OLFML2B: variants seen among roughly 807,000 people sequenced by gnomAD.
OLFML2B encodes the protein olfactomedin like 2B, also known as olfactomedin-like protein 2B.
OLFML2B carries 57 observed loss-of-function variants against 74.9 expected under a neutral mutation model. The ratio of observed to expected loss-of-function variants is 0.76; its 90% CI spans 0.61 to 0.95. OLFML2B has a LOEUF of 0.95. OLFML2B is among the 40% of genes least tolerant of loss of function. The pLI, the probability that OLFML2B is intolerant of heterozygous loss-of-function variation, is 0.00. For missense variants in OLFML2B, 986 were observed against 970.6 expected, an observed-to-expected ratio of 1.02 and a Z score of -0.21; for synonymous variants, 388 against 405.8, an observed-to-expected ratio of 0.96 and a Z score of 0.53.
At chr1:161,998,557 T>G (rs1689993265) in intron 5 of OLFML2B, among the ~76,000 whole-genome samples, 1 of 152,130 alleles carries the variant, frequency 6.6e-6, no homozygotes, top group African/African-American at 2.4e-5. Context: ...TTTCTCTGAA[T>G]AGACTGCAGC....
At chr1:161,995,642 A>G (rs866893424) in intron 6 of OLFML2B, among the ~76,000 whole-genome samples, 52 of 152,056 alleles carry the variant, frequency 3.4e-4, no homozygotes, top group South Asian at 1.0e-3. Context: ...AGAGTGAACA[A>G]CTCACTCCTG....
chr1:162,023,153 A>G (rs936899641), intron 1 of OLFML2B, 104 bp downstream of exon 1: 3 of 1,125,514 alleles, frequency 2.7e-6, no homozygotes, highest in Non-Finnish European at 3.6e-6. Context: ...TCCATTGGTA[A>G]TGGAAGGAAA....
At position 162,017,521 on chromosome 1, in the gene OLFML2B, C is replaced by T. The variant is rs373782333; in HGVS notation, c.439-14G>A. The T allele has an allele frequency of 2.5e-6, 4 of 1,599,672 alleles. No homozygotes were observed. In the African/African-American group the frequency reaches 5.4e-5, roughly 22 times the overall value. ...GATTGTGGAGAGCTATGAAACAAGG[C>T]AAGGGGTTAGTCCAGGGCTGGGGCA... On this transcript the variant is annotated splice_polypyrimidine_tract_variant and intron_variant, in intron 2 of 7. Coordinates refer to ENST00000294794, the MANE Select transcript of OLFML2B (RefSeq NM_015441.3).
chr1:162,003,511 C>A (rs543004096), intron 4 of OLFML2B, among the ~76,000 whole-genome samples: 5 of 152,204 alleles, frequency 3.3e-5, no homozygotes, highest in African/African-American at 1.2e-4. Context: ...ATAATTTCCA[C>A]GGATCCACTG....
chr1:162,022,701 C>T (rs908279238), intron 1 of OLFML2B, among the ~76,000 whole-genome samples: 11 of 152,154 alleles, frequency 7.2e-5, no homozygotes, highest in African/African-American at 2.7e-4. Flanking sequence ...TGACAGTCTG[C>T]CCTAGCTGCC....
At chr1:162,012,514 C>A (rs1422212889) in intron 3 of OLFML2B, among the ~76,000 whole-genome samples, 1 of 152,210 alleles carries the variant, frequency 6.6e-6, no homozygotes, top group South Asian at 2.1e-4. Flanking sequence ...GGACTTAAAT[C>A]TTCCTCGGAG....
Position 162,020,621 on chromosome 1 carries a change from G to T in OLFML2B, c.175-439C>A, listed in dbSNP as rs562695963. Among the ~76,000 whole-genome samples, 8 of 151,712 alleles carry T rather than the reference G, an allele frequency of 5.3e-5. No individual in the cohort carries two copies. The East Asian group carries it at 1.4e-3, about 26-fold the overall frequency. On this transcript the variant is annotated intron_variant, in intron 1 of 7. Coordinates refer to ENST00000294794, the MANE Select transcript of OLFML2B (RefSeq NM_015441.3). ...AGCTCACTGCAACCTCCACCTCCCA[G>T]GTTCAAGTGATTCTCCTGCCTCAGC...
intron 3 of OLFML2B, among the ~76,000 whole-genome samples, chr1:162,012,740 G>T (rs1690427256): frequency 6.6e-6 from 1 of 152,072 alleles, no homozygotes; most frequent in African/African-American, 2.4e-5. Flanking sequence ...CATATACAAA[G>T]GCACATGTGT....
intron 3 of OLFML2B, among the ~76,000 whole-genome samples, chr1:162,008,705 AC>A (rs1690298011): frequency 6.6e-6 from 1 of 152,208 alleles, no homozygotes; most frequent in African/African-American, 2.4e-5. Context: ...GCCCACTCAG[AC>A]CTGCTGAATC....
intron 4 of OLFML2B, among the ~76,000 whole-genome samples, chr1:162,002,379 A>T (rs1018854393): frequency 4.1e-4 from 63 of 152,156 alleles, no homozygotes; most frequent in African/African-American, 1.4e-3. Flanking sequence ...GGTGGAAGCC[A>T]CCCAGAGAGC....
At chr1:162,008,429 T>C (rs1690291938) in intron 3 of OLFML2B, among the ~76,000 whole-genome samples, 4 of 152,200 alleles carry the variant, frequency 2.6e-5, no homozygotes, top group Admixed American at 2.6e-4. Flanking sequence ...CCCAGCCTCC[T>C]GGCCCTTGCT....
chr1:162,020,223 G>C (rs1690664354), intron 1 of OLFML2B, 41 bp from the exon 2 acceptor site: 2 of 1,603,284 alleles, frequency 1.2e-6, no homozygotes, highest in African/African-American at 2.7e-5. Context: ...GCAAACACAG[G>C]TGTCAGTCAG....
At chr1:161,996,091 G>A (rs547252175) in intron 6 of OLFML2B, among the ~76,000 whole-genome samples, 6 of 152,268 alleles carry the variant, frequency 3.9e-5, no homozygotes, top group South Asian at 4.1e-4. Context: ...CTGCCTTCTC[G>A]CTTAGCTTCC....
intron 3 of OLFML2B, among the ~76,000 whole-genome samples, chr1:162,010,207 G>A (rs575737958): frequency 5.9e-5 from 9 of 152,312 alleles, no homozygotes; most frequent in Non-Finnish European, 8.8e-5. Flanking sequence ...ATTTGGGAAC[G>A]TTGTCATCAT....
chr1:162,001,986 G>T (rs957953761), intron 4 of OLFML2B, among the ~76,000 whole-genome samples: 1 of 152,220 alleles, frequency 6.6e-6, no homozygotes, highest in Non-Finnish European at 1.5e-5. Context: ...GGACCACTCT[G>T]TCCTCCACAG....
chr1:162,021,566 G>A (rs1407393748), intron 1 of OLFML2B, among the ~76,000 whole-genome samples: 1 of 152,248 alleles, frequency 6.6e-6, no homozygotes, highest in Non-Finnish European at 1.5e-5. Context: ...TCCTTGGGAT[G>A]CTGTCTGGGG....
intron 6 of OLFML2B, among the ~76,000 whole-genome samples, chr1:161,997,039 C>T (rs1377184314): frequency 6.6e-6 from 1 of 152,192 alleles, no homozygotes; most frequent in Non-Finnish European, 1.5e-5. Context: ...CACCTGCAGT[C>T]CCAGCTACTT....
In OLFML2B at chr1:162,020,002, C is replaced by G. The variant is rs1324474864; in HGVS notation, c.355G>C (p.Val119Leu). The G allele has an allele frequency of 6.2e-7, 1 of 1,614,212 alleles. No individual in the cohort carries two copies. Among genetic ancestry groups the G allele is most frequent in the Non-Finnish European group, 8.5e-7 (1 of 1,180,038 alleles). ...TSGSSCKCACVAPPSALNPCE... is the reference protein window; with the variant it reads ...TSGSSCKCACLAPPSALNPCE... ...GGATTGAGGGCCGATGGGGGTGCTA[C>G]ACAGGCACACTTGCACGACGAGCCT... The change falls in exon 2 of 8, where the codon GTA becomes CTA. Residue 119 changes from valine (V) to leucine (L), a missense_variant. By Grantham distance (32) the Val-to-Leu change is conservative. Coordinates refer to ENST00000294794, the MANE Select transcript of OLFML2B (RefSeq NM_015441.3).
At chr1:162,010,749 G>A (rs1042125846) in intron 3 of OLFML2B, among the ~76,000 whole-genome samples, 11 of 152,092 alleles carry the variant, frequency 7.2e-5, no homozygotes, top group African/African-American at 2.2e-4. Context: ...GGGTGTGGTC[G>A]GGGGAGGGTG....
Sources: allele counts gnomAD v4.1 joint callset (sites outside exome capture counted in the v4.1 genomes callset), GRCh38; gene constraint gnomAD v4.1.1; transcripts MANE v1.5; gene names NCBI Gene and HGNC (gene_info 2026-07-23, HGNC 2026-07-21).